NDRG3: variants seen among roughly 807,000 people sequenced by gnomAD.
NDRG3 encodes NDRG family member 3.
Under a neutral mutation model 57.2 loss-of-function variants are expected in NDRG3, and 23 were observed. That is an observed-to-expected ratio of 0.40 (90% CI 0.29 to 0.57). The LOEUF is 0.57. NDRG3 is among the 20% of genes least tolerant of loss of function. The pLI, the probability that NDRG3 is intolerant of heterozygous loss-of-function variation, is 0.42. For missense variants in NDRG3, 384 were observed against 457.3 expected, an observed-to-expected ratio of 0.84 and a Z score of 1.46; for synonymous variants, 132 against 162.6, an observed-to-expected ratio of 0.81 and a Z score of 1.43.
At chr20:36,672,331 T>A (rs889541301) in intron 8 of NDRG3, among the ~76,000 whole-genome samples, 3 of 152,230 alleles carry the variant, frequency 2.0e-5, no homozygotes, top group African/African-American at 7.2e-5. Context: ...TGATTCCTGT[T>A]CGGCCTTCTT....
intron 2 of NDRG3, among the ~76,000 whole-genome samples, chr20:36,713,336 C>T (rs1984034824): frequency 6.6e-6 from 1 of 151,690 alleles, no homozygotes; most frequent in African/African-American, 2.4e-5. Context: ...ATAAAGCAAC[C>T]CAAGAAGGTA....
chr20:36,689,911 G>A lies in NDRG3; in HGVS notation c.94-1127C>T, dbSNP rs534787683. On this transcript the variant is annotated intron_variant, in intron 3 of 15. Coordinates refer to ENST00000349004, the MANE Select transcript of NDRG3 (RefSeq NM_032013.4). ...AATTTTTTGTATTTTTAGTAGAGAC[G>A]GGGTTTCACTGTGTTAGCCAGGATG... Among the ~76,000 whole-genome samples the A allele has an allele frequency of 5.9e-5, 9 of 151,830 alleles. No individual in the cohort carries two copies. In the East Asian group the frequency reaches 7.8e-4, roughly 13 times the overall value.
At chr20:36,719,752 TCACA>T (rs554295058) in intron 2 of NDRG3, among the ~76,000 whole-genome samples, 27 of 134,246 alleles carry the variant, frequency 2.0e-4, no homozygotes, top group African/African-American at 6.1e-4. Flanking sequence ...ATGGCCTCAC[TCACA>T]CAAAGCTACA....
chr20:36,718,016 G>A (rs1009480058), intron 2 of NDRG3, among the ~76,000 whole-genome samples: 3 of 152,212 alleles, frequency 2.0e-5, no homozygotes, highest in Admixed American at 6.5e-5. Context: ...TACTCAATAG[G>A]AGTAAGCTAC....
chr20:36,682,565 T>C lies in NDRG3; in HGVS notation c.397A>G (p.Ile133Val). Reference protein sequence around the residue: ...VLTHLSLKSIIGIGVGAGAYI... With the variant: ...VLTHLSLKSIVGIGVGAGAYI... Reference sequence around the variant, plus strand: ...GCTCCAGCTCCAACTCCAATTCCAATGATGCTTTTCAGGCTGTGAATGGGA... The same window carrying C: ...GCTCCAGCTCCAACTCCAATTCCAACGATGCTTTTCAGGCTGTGAATGGGA... The change falls in exon 7 of 16, where the codon ATT becomes GTT. Residue 133 changes from isoleucine to valine, a missense_variant. By Grantham distance (29) the Ile-to-Val change is conservative. Transcript: ENST00000349004. The C allele has an allele frequency of 1.2e-6, 2 of 1,614,012 alleles. No individual in the cohort carries two copies. Among genetic ancestry groups the C allele is most frequent in the South Asian group, 1.1e-5 (1 of 91,070 alleles).
At chr20:36,658,825 G>A (rs1366493489) in intron 13 of NDRG3, among the ~76,000 whole-genome samples, 1 of 152,080 alleles carries the variant, frequency 6.6e-6, no homozygotes, top group African/African-American at 2.4e-5. Context: ...TTTGCCCTAA[G>A]AGAAAGAAAA....
At chr20:36,662,755 G>T (rs1182208975) in intron 12 of NDRG3, among the ~76,000 whole-genome samples, 1 of 152,150 alleles carries the variant, frequency 6.6e-6, no homozygotes, top group African/African-American at 2.4e-5. Flanking sequence ...AACTAGGTTT[G>T]ACTGTGTATG....
intron 1 of NDRG3, among the ~76,000 whole-genome samples, chr20:36,723,654 A>G (rs1984732503): frequency 8.3e-6 from 1 of 121,190 alleles, no homozygotes; most frequent in African/African-American, 3.6e-5. Context: ...AAAAGATATT[A>G]GTCTAGTGTG....
intron 1 of NDRG3, among the ~76,000 whole-genome samples, chr20:36,728,025 C>G (rs1985049760): frequency 1.3e-5 from 2 of 151,954 alleles, no homozygotes; most frequent in Non-Finnish European, 2.9e-5. Context: ...ACAGCAAGAC[C>G]CTGCCTCTAA....
intron 2 of NDRG3, among the ~76,000 whole-genome samples, chr20:36,715,006 GTATATATATATATATATATATA>G (rs545495779): frequency 1.8e-3 from 48 of 26,716 alleles, no homozygotes; most frequent in East Asian, 6.0e-3. Context: ...GTGTGTGTGT[GTATATATATATATATATATATA>G]TATATATATA....
intron 8 of NDRG3, among the ~76,000 whole-genome samples, chr20:36,679,655 C>G (rs144674045): frequency 0.024 from 3,579 of 151,770 alleles, 137 homozygotes; most frequent in African/African-American, 0.081. Context: ...AGGCACCCAC[C>G]ACCACGCCCG....
chr20:36,688,827 C>T (rs2148121148), intron 3 of NDRG3, 43 bp from the exon 4 acceptor site: 2 of 1,483,054 alleles, frequency 1.3e-6, no homozygotes, highest in Admixed American at 1.7e-5. Context: ...GCAGAATGAA[C>T]TTCCCAGGTT....
chr20:36,713,978 G>A (rs1392190909), intron 2 of NDRG3, among the ~76,000 whole-genome samples: 1 of 152,034 alleles, frequency 6.6e-6, no homozygotes, highest in African/African-American at 2.4e-5. Context: ...TACAAAAAGT[G>A]GAAACAAAGA....
At chr20:36,682,024 C>T (rs1981347409) in intron 7 of NDRG3, among the ~76,000 whole-genome samples, 1 of 152,122 alleles carries the variant, frequency 6.6e-6, no homozygotes, top group Admixed American at 6.6e-5. Context: ...TCTCTGACTA[C>T]AGTGATTATA....
Position 36,687,569 on chromosome 20 carries a change from T to C in NDRG3, c.243A>G (p.Gln81=). Residue 81 remains glutamine (Q), a synonymous_variant, in exon 5 of 16, where the codon CAA becomes CAG. Coordinates refer to ENST00000349004, the MANE Select transcript of NDRG3 (RefSeq NM_032013.4). ...FNAFFNFEDM[Q]EITQHFAVCH... ...AGACAGCAAAGTGCTGGGTGATCTC[T>C]TGCATATCCTCAAAGTTAAAGAATG... 2 of 1,614,074 alleles carry C rather than the reference T, an allele frequency of 1.2e-6. No homozygotes were observed. The highest frequency in any genetic ancestry group is 2.2e-5 in the South Asian group (2 of 91,068).
intron 3 of NDRG3, among the ~76,000 whole-genome samples, chr20:36,696,388 C>A (rs187707337): frequency 6.6e-5 from 10 of 151,934 alleles, no homozygotes; most frequent in Admixed American, 4.6e-4. Context: ...AGTCACTGTG[C>A]CTGGCTAGCC....
chr20:36,683,665 CAT>C (rs200293418), intron 6 of NDRG3, among the ~76,000 whole-genome samples: 9 of 146,114 alleles, frequency 6.2e-5, no homozygotes, highest in Non-Finnish European at 5.9e-5. Context: ...TGTATATATA[CAT>C]ATATATATAC....
chr20:36,654,849 G>A (rs1280428732), intron 15 of NDRG3: 3 of 779,778 alleles, frequency 3.8e-6, no homozygotes, highest in Non-Finnish European at 7.2e-6. Flanking sequence ...ACTGGAAGCA[G>A]GATGGACACA....
At chr20:36,655,665 C>T (rs985583289) in intron 15 of NDRG3, among the ~76,000 whole-genome samples, 1 of 152,154 alleles carries the variant, frequency 6.6e-6, no homozygotes, top group Admixed American at 6.5e-5. Context: ...ATTTCAGATT[C>T]ACACCTAGGA....
Sources: allele counts gnomAD v4.1 joint callset (sites outside exome capture counted in the v4.1 genomes callset), GRCh38; gene constraint gnomAD v4.1.1; transcripts MANE v1.5; gene names NCBI Gene and HGNC (gene_info 2026-07-23, HGNC 2026-07-21).